SPOCK3: variants seen among roughly 807,000 people sequenced by gnomAD.
SPOCK3 encodes the protein SPARC (osteonectin), cwcv and kazal like domains proteoglycan 3.
A neutral mutation model predicts 56.6 loss-of-function variants in SPOCK3; 30 were observed. The ratio of observed to expected loss-of-function variants is 0.53; its 90% CI spans 0.40 to 0.72. The LOEUF (loss-of-function observed/expected upper bound fraction) is 0.72, where lower values mean the gene tolerates loss of function less well. SPOCK3 is among the 30% of genes least tolerant of loss of function. The pLI is 0.00. For missense variants in SPOCK3, 527 were observed against 530.0 expected, an observed-to-expected ratio of 0.99 and a Z score of 0.06; for synonymous variants, 196 against 183.3, an observed-to-expected ratio of 1.07 and a Z score of -0.56.
intron 7 of SPOCK3, among the ~76,000 whole-genome samples, chr4:166,782,454 T>C (rs1740285103): frequency 6.6e-6 from 1 of 152,148 alleles, no homozygotes; most frequent in Admixed American, 6.6e-5. Context: ...CTGAAAATCA[T>C]TGTCAACAAA....
chr4:167,200,918 A>T (rs1209364551), intron 2 of SPOCK3, among the ~76,000 whole-genome samples: 4 of 152,058 alleles, frequency 2.6e-5, no homozygotes, highest in Non-Finnish European at 5.9e-5. Flanking sequence ...TCTTCAGCAG[A>T]AGCCACCCAC....
chr4:166,839,605 C>A (rs969033789), intron 6 of SPOCK3, among the ~76,000 whole-genome samples: 4 of 152,088 alleles, frequency 2.6e-5, no homozygotes, highest in Non-Finnish European at 4.4e-5. Flanking sequence ...GCCAGCACAT[C>A]ACGGAGAACG....
chr4:167,143,279 G>T (rs1021861144), intron 2 of SPOCK3, among the ~76,000 whole-genome samples: 4 of 151,870 alleles, frequency 2.6e-5, no homozygotes, highest in Non-Finnish European at 5.9e-5. Context: ...ATATACTTTT[G>T]TCCTTCAGGT....
chr4:167,134,282 C>T (rs1580396431), intron 2 of SPOCK3, among the ~76,000 whole-genome samples: 2 of 151,922 alleles, frequency 1.3e-5, no homozygotes, highest in South Asian at 4.1e-4. Flanking sequence ...ATCTGCCTGC[C>T]TCAGTCTCCC....
chr4:167,173,454 T>C (rs1730683506), intron 2 of SPOCK3, among the ~76,000 whole-genome samples: 1 of 152,180 alleles, frequency 6.6e-6, no homozygotes, highest in South Asian at 2.1e-4. Context: ...TGTTAGTCTT[T>C]TTCCCCACTA....
At chr4:167,079,504 T>G (rs1157467866) in intron 2 of SPOCK3, among the ~76,000 whole-genome samples, 1 of 151,906 alleles carries the variant, frequency 6.6e-6, no homozygotes, top group Non-Finnish European at 1.5e-5. Context: ...GGGATAAATC[T>G]TTATAGACTA....
At chr4:166,824,905 T>C (rs1282509796) in intron 6 of SPOCK3, among the ~76,000 whole-genome samples, 6 of 151,920 alleles carry the variant, frequency 3.9e-5, no homozygotes, top group African/African-American at 1.5e-4. Flanking sequence ...GTATTGCCAG[T>C]GGGGAAAAAA....
At chr4:166,953,966 GGA>G (rs1743061306) in intron 4 of SPOCK3, among the ~76,000 whole-genome samples, 2 of 152,098 alleles carry the variant, frequency 1.3e-5, no homozygotes, top group Admixed American at 6.6e-5. Context: ...GATAGCATTG[GGA>G]GATATATCTA....
At chr4:167,120,628 T>G (rs916290299) in intron 2 of SPOCK3, among the ~76,000 whole-genome samples, 1 of 152,072 alleles carries the variant, frequency 6.6e-6, no homozygotes, top group African/African-American at 2.4e-5. Context: ...AGGATTTTTT[T>G]GTTTGTCCTT....
chr4:167,229,817 C>T (rs1021689021), intron 2 of SPOCK3, among the ~76,000 whole-genome samples: 24 of 152,056 alleles, frequency 1.6e-4, no homozygotes, highest in Non-Finnish European at 2.1e-4. Flanking sequence ...TTTATTATTA[C>T]GTTAAATATA....
chr4:166,794,942 C>T (rs1355391414), intron 6 of SPOCK3, among the ~76,000 whole-genome samples: 3 of 152,058 alleles, frequency 2.0e-5, no homozygotes, highest in Admixed American at 6.6e-5. Flanking sequence ...CGCGCCGGCC[C>T]GTTTCTTAAA....
intron 4 of SPOCK3, among the ~76,000 whole-genome samples, chr4:166,999,667 A>G (rs1285819872): frequency 2.0e-5 from 3 of 152,316 alleles, no homozygotes; most frequent in East Asian, 1.9e-4. Flanking sequence ...CGGTTAAACA[A>G]TGAATTCATG....
Position 167,080,197 on chromosome 4 carries a change from A to G in SPOCK3, c.190-17660T>C, listed in dbSNP as rs979829785. The stretch of plus-strand genomic sequence containing the variant: ...TATTCAACTGCTTACTCTCTAAGAT[A>G]GTTCACCTTGCAGGTGAAGAGACAA... On this transcript the variant is annotated intron_variant, in intron 2 of 10. Transcript: ENST00000357545. Among the ~76,000 whole-genome samples, 37 of 152,158 alleles carry G rather than the reference A, an allele frequency of 2.4e-4. No individual in the cohort carries two copies. In the Middle Eastern group the frequency reaches 0.01, roughly 42 times the overall value.
chr4:166,853,521 ACT>A (rs1211162878), intron 6 of SPOCK3, among the ~76,000 whole-genome samples: 1 of 151,738 alleles, frequency 6.6e-6, no homozygotes, highest in East Asian at 1.9e-4. Context: ...AGGCATTAAA[ACT>A]CTCTCTCAAT....
intron 6 of SPOCK3, among the ~76,000 whole-genome samples, chr4:166,839,627 A>T (rs1474632043): frequency 1.3e-5 from 2 of 152,142 alleles, no homozygotes; most frequent in African/African-American, 2.4e-5. Context: ...AAAACTAGGG[A>T]AAATCTCTTA....
chr4:166,799,658 T>C (rs1742334678), intron 6 of SPOCK3, among the ~76,000 whole-genome samples: 2 of 152,156 alleles, frequency 1.3e-5, no homozygotes, highest in Admixed American at 1.3e-4. Context: ...GTAGTTGAGA[T>C]GGCAAACAAC....
intron 6 of SPOCK3, among the ~76,000 whole-genome samples, chr4:166,863,473 T>C (rs1186247056): frequency 6.6e-6 from 1 of 152,094 alleles, no homozygotes; most frequent in Non-Finnish European, 1.5e-5. Flanking sequence ...AATGCCCCAA[T>C]TAAAAGATAG....
At chr4:167,221,089 A>G (rs1193355339) in intron 2 of SPOCK3, among the ~76,000 whole-genome samples, 1 of 152,066 alleles carries the variant, frequency 6.6e-6, no homozygotes, top group Admixed American at 6.6e-5. Flanking sequence ...GCCAGGCACA[A>G]TGTGACACAC....
chr4:166,968,183 C>G (rs1399051120), intron 4 of SPOCK3, among the ~76,000 whole-genome samples: 1 of 152,104 alleles, frequency 6.6e-6, no homozygotes, highest in Non-Finnish European at 1.5e-5. Flanking sequence ...GAAACTAGAG[C>G]TTATATTTTA....
Sources: allele counts gnomAD v4.1 joint callset (sites outside exome capture counted in the v4.1 genomes callset), GRCh38; gene constraint gnomAD v4.1.1; transcripts MANE v1.5; gene names NCBI Gene and HGNC (gene_info 2026-07-23, HGNC 2026-07-21).